CFAP54: variants seen among roughly 807,000 people sequenced by gnomAD.
The protein encoded by CFAP54 is cilia and flagella associated protein 54, also known as cilia- and flagella-associated protein 54.
Under a neutral mutation model 370.4 loss-of-function variants are expected in CFAP54, and 290 were observed. The ratio of observed to expected loss-of-function variants is 0.78; its 90% confidence interval spans 0.71 to 0.86. The LOEUF is 0.86. CFAP54 is among the 40% of genes least tolerant of loss of function. The pLI is 0.00. For missense variants in CFAP54, 3,399 were observed against 3,528.7 expected, an observed-to-expected ratio of 0.96 and a Z score of 0.93; for synonymous variants, 1,206 against 1,236.5, an observed-to-expected ratio of 0.98 and a Z score of 0.52.
At chr12:96,721,923 C>T (rs538320785) in intron 50 of CFAP54, among the ~76,000 whole-genome samples, 10 of 152,254 alleles carry the variant, frequency 6.6e-5, no homozygotes, top group African/African-American at 2.4e-4. Flanking sequence ...GGACGAGTTA[C>T]CATTTTAAAA....
At chr12:96,687,968 G>C (rs1277670008) in intron 42 of CFAP54, among the ~76,000 whole-genome samples, 1 of 152,186 alleles carries the variant, frequency 6.6e-6, no homozygotes, top group Non-Finnish European at 1.5e-5. Context: ...TGCCATAGGA[G>C]ATGTCATTCT....
chr12:96,870,639 T>G (rs1472834186), intron 67 of CFAP54, among the ~76,000 whole-genome samples: 5 of 152,238 alleles, frequency 3.3e-5, no homozygotes, highest in African/African-American at 1.2e-4. Context: ...GAAGTTCGTT[T>G]CTGTCTAGAA....
intron 50 of CFAP54, among the ~76,000 whole-genome samples, chr12:96,722,957 G>A (rs1957776208): frequency 3.5e-5 from 5 of 143,696 alleles, no homozygotes; most frequent in African/African-American, 1.3e-4. Flanking sequence ...AAATTTGGAT[G>A]TATGTAGTTT....
intron 17 of CFAP54, among the ~76,000 whole-genome samples, chr12:96,560,926 T>C (rs188390630): frequency 1.4e-3 from 217 of 152,376 alleles, no homozygotes; most frequent in Non-Finnish European, 1.2e-3. Context: ...TCTAGATTTA[T>C]TTGGTAACAT....
intron 17 of CFAP54, among the ~76,000 whole-genome samples, chr12:96,560,894 A>AT (rs1294338908): frequency 9.9e-5 from 15 of 152,142 alleles, no homozygotes; most frequent in Non-Finnish European, 2.9e-5. Flanking sequence ...GTACGTGATG[A>AT]TTTTCTAATT....
Position 96,600,594 on chromosome 12 carries a change from C to T in CFAP54, c.3639+1827C>T, listed in dbSNP as rs188988234. Among the ~76,000 whole-genome samples, 90 of 152,196 alleles carry T rather than the reference C, an allele frequency of 5.9e-4. 1 individual carries two copies. Among genetic ancestry groups the T allele is most frequent in the Admixed American group, 3.5e-3 (53 of 15,280 alleles). On this transcript the variant is annotated intron_variant, in intron 26 of 67. Transcript: ENST00000524981. The stretch of plus-strand genomic sequence containing the variant: ...ACCTTGGGCAATATGGCCATTTTCA[C>T]GATATTGATTCTTCCTATCCATGAG...
At chr12:96,570,838 A>G (rs893839583) in intron 19 of CFAP54, among the ~76,000 whole-genome samples, 2 of 152,122 alleles carry the variant, frequency 1.3e-5, no homozygotes, top group East Asian at 3.8e-4. Context: ...TTCTGTTTGA[A>G]CTACTTTTTG....
intron 30 of CFAP54, among the ~76,000 whole-genome samples, chr12:96,627,865 C>G (rs1297245078): frequency 6.6e-6 from 1 of 152,192 alleles, no homozygotes; most frequent in Admixed American, 6.5e-5. Context: ...AGTGTACAGG[C>G]AAATGTGGAG....
chr12:96,630,284 A>T, intron 31 of CFAP54, 80 bp downstream of exon 31: 1 of 710,036 alleles, frequency 1.4e-6, no homozygotes. Flanking sequence ...CTACATTTAA[A>T]CTCATTATAA....
chr12:96,554,548 G>A, intron 16 of CFAP54, 128 bp from the exon 17 acceptor site: 2 of 1,111,754 alleles, frequency 1.8e-6, no homozygotes, highest in South Asian at 3.6e-5. Flanking sequence ...ACTGCAAAGG[G>A]CTGAGAAGTG....
At chr12:96,647,169 C>G (rs1350553974) in intron 33 of CFAP54, 2 of 151,636 alleles carry the variant, frequency 1.3e-5, no homozygotes, top group Non-Finnish European at 2.9e-5. Context: ...AATGCCTAGA[C>G]CTTATTTTAA....
At chr12:96,627,011 T>C in intron 30 of CFAP54, 72 bp downstream of exon 30, 2 of 1,123,426 alleles carry the variant, frequency 1.8e-6, no homozygotes, top group South Asian at 3.7e-5. Flanking sequence ...TTTTAAGAAA[T>C]ATAAGGTAGA....
intron 1 of CFAP54, among the ~76,000 whole-genome samples, chr12:96,497,567 G>A (rs898103692): frequency 2.0e-5 from 3 of 152,156 alleles, no homozygotes; most frequent in African/African-American, 7.2e-5. Flanking sequence ...AAATTAGCAA[G>A]GCACATTCCT....
rs573060035 is a variant in CFAP54, at chr12:96,621,597, G to A, written c.3647G>A (p.Arg1216His). The A allele has an allele frequency of 2.2e-3, 3,240 of 1,465,708 alleles. 9 individuals carry two copies. Among genetic ancestry groups the A allele is most frequent in the Non-Finnish European group, 2.6e-3 (2,825 of 1,099,688 alleles). 90.8% of individuals were successfully genotyped at this position (1,465,708 alleles called of 1,614,324 possible). ...CCIFYITKILRSWREYDLAVM... is the reference protein window; with the variant it reads ...CCIFYITKILHSWREYDLAVM... Reference sequence around the variant, plus strand: ...ATAAATATTTTAAATTAGATTCTTCGTTCATGGAGGGAATATGACCTGGCA... The same window carrying A: ...ATAAATATTTTAAATTAGATTCTTCATTCATGGAGGGAATATGACCTGGCA... The change falls in exon 27 of 68, where the codon CGT becomes CAT. Residue 1216 changes from arginine to histidine, a missense_variant. By Grantham distance (29) the Arg-to-His change is conservative (BLOSUM62 0). Around this residue, in one of 3 missense-constraint regions of CFAP54, gnomAD observed 2,796 missense variants for 2,869.7 expected, o/e 0.97. Coordinates refer to ENST00000524981, the MANE Select transcript of CFAP54 (RefSeq NM_001306084.2).
intron 66 of CFAP54, among the ~76,000 whole-genome samples, chr12:96,834,099 A>G (rs1959178765): frequency 2.0e-5 from 3 of 152,186 alleles, no homozygotes; most frequent in African/African-American, 7.2e-5. Flanking sequence ...GTGGGAGCAG[A>G]CACTGCAGGG....
chr12:96,699,408 T>G (rs953154966), intron 45 of CFAP54, among the ~76,000 whole-genome samples: 3 of 152,168 alleles, frequency 2.0e-5, no homozygotes, highest in African/African-American at 7.2e-5. Flanking sequence ...ACCTGGGTGA[T>G]GAAATAATCT....
chr12:96,821,945 T>A (rs1363980931), intron 65 of CFAP54, among the ~76,000 whole-genome samples: 1 of 152,192 alleles, frequency 6.6e-6, no homozygotes, highest in Non-Finnish European at 1.5e-5. Context: ...GCAGAAAATG[T>A]GTCTTTGGTT....
intron 63 of CFAP54, among the ~76,000 whole-genome samples, chr12:96,810,599 C>A (rs142957571): frequency 6.6e-6 from 1 of 152,070 alleles, no homozygotes; most frequent in East Asian, 1.9e-4. Context: ...TTACTCATAC[C>A]GGAACTGAAT....
rs146068386 is a variant in CFAP54 at position 96,861,013 on chromosome 12, C to G, written c.*14+61C>G. 5.5e-6 allele frequency: 7 copies of G among 1,271,436 alleles called. No homozygotes were observed. In the South Asian group the frequency reaches 1.3e-4, roughly 24 times the overall value. 78.8% of individuals were successfully genotyped at this position (1,271,436 alleles called of 1,614,324 possible). A position where few individuals can be genotyped will look rare whatever the true frequency, so the allele number is the denominator to read the frequency against. On this transcript the variant is annotated intron_variant, in intron 67 of 67. Transcript: ENST00000524981. The stretch of plus-strand genomic sequence containing the variant: ...CTTCATTTGAGCTAAGTTTTTGGAA[C>G]GGTCCTCTTATAACAACAAACATAA...
Sources: allele counts gnomAD v4.1 joint callset (sites outside exome capture counted in the v4.1 genomes callset), GRCh38; gene constraint gnomAD v4.1.1; regional missense constraint gnomAD v4.1.1; transcripts MANE v1.5; gene names NCBI Gene and HGNC (gene_info 2026-07-23, HGNC 2026-07-21).